EPG5: variants seen among roughly 807,000 people sequenced by gnomAD.
EPG5 encodes ectopic P-granules 5 autophagy tethering factor, also known as ectopic P granules protein 5 homolog.
A neutral mutation model predicts 302.7 loss-of-function variants in EPG5; 159 were observed. The ratio of observed to expected loss-of-function variants is 0.53; its 90% CI spans 0.46 to 0.60. EPG5 has a LOEUF of 0.60. Ranked by LOEUF, EPG5 falls within the 20% of genes least tolerant of loss-of-function variation. The pLI, the probability that EPG5 is intolerant of heterozygous loss-of-function variation, is 0.00. For synonymous variants in EPG5, 1,158 were observed against 1,136.8 expected, an observed-to-expected ratio of 1.02 and a Z score of -0.37; for missense variants, 2,896 against 3,092.4, an observed-to-expected ratio of 0.94 and a Z score of 1.51.
intron 33 of EPG5, among the ~76,000 whole-genome samples, chr18:45,878,692 A>C (rs1288392980): frequency 6.6e-6 from 1 of 152,236 alleles, no homozygotes; most frequent in Admixed American, 6.5e-5. Flanking sequence ...ACACTTTTAA[A>C]AAAGATAAAT....
intron 43 of EPG5, among the ~76,000 whole-genome samples, chr18:45,854,894 C>T (rs886975467): frequency 6.6e-6 from 1 of 152,114 alleles, no homozygotes; most frequent in Non-Finnish European, 1.5e-5. Context: ...TATAGCATTG[C>T]TATGAGGATT....
intron 33 of EPG5, 28 bp downstream of exon 33, chr18:45,878,985 G>A: frequency 6.3e-7 from 1 of 1,588,688 alleles, no homozygotes; most frequent in Non-Finnish European, 8.6e-7. Flanking sequence ...CAAACACCTA[G>A]CTCCACATCG....
chr18:45,889,175 A>C (rs938162198), intron 28 of EPG5, among the ~76,000 whole-genome samples: 5 of 152,174 alleles, frequency 3.3e-5, no homozygotes, highest in Admixed American at 1.3e-4. Context: ...TGGAATGTGG[A>C]GTCAGTCACC....
At chr18:45,819,470 A>C in the EPG5 span, among the ~76,000 whole-genome samples, 114,462 of 152,056 alleles carry the variant, frequency 0.75, 44,203 homozygotes, top group East Asian at 0.92. Context: ...TCAAGGCCAG[A>C]AAGGAAACAC....
intron 24 of EPG5, among the ~76,000 whole-genome samples, chr18:45,904,526 G>A (rs1301485525): frequency 6.6e-6 from 1 of 152,084 alleles, no homozygotes; most frequent in Non-Finnish European, 1.5e-5. Context: ...AAATACAGGG[G>A]ACAGAAAAAC....
intron 1 of EPG5, among the ~76,000 whole-genome samples, chr18:45,966,111 G>T (rs368015912): frequency 6.6e-6 from 1 of 151,628 alleles, no homozygotes; most frequent in Non-Finnish European, 1.5e-5. Context: ...GGTGGCTCAC[G>T]CCTGTAATCT....
chr18:45,912,369 G>A lies in EPG5; in HGVS notation c.3904C>T (p.Pro1302Ser). The change falls in exon 22 of 44, where the codon CCT becomes TCT. Residue 1302 changes from proline (P) to serine (S), a missense_variant. Pro to Ser is a moderately conservative substitution (Grantham distance 74, BLOSUM62 -1). This residue lies in a region of EPG5 where 790 missense variants were observed against 798.0 expected (regional missense o/e 0.99). Coordinates refer to ENST00000282041, the MANE Select transcript of EPG5 (RefSeq NM_020964.3). ...AGTGGCAGGAGGGGGTGATCAGAAG[G>A]TGTGACCAGAGCCTGGTGGGCCCAG... ...YRWAHQALVT[P>S]SDHPLLPLIW... The A allele has an allele frequency of 1.2e-6, 2 of 1,611,746 alleles. No individual in the cohort carries two copies. Among genetic ancestry groups the A allele is most frequent in the African/African-American group, 1.3e-5 (1 of 74,856 alleles).
At chr18:45,922,203 G>A in intron 16 of EPG5, 138 bp downstream of exon 16, 19 of 1,070,196 alleles carry the variant, frequency 1.8e-5, no homozygotes, top group Non-Finnish European at 2.4e-5. Flanking sequence ...TTGATAAGCT[G>A]TTAATCAAGG....
Position 45,925,766 on chromosome 18 carries a change from T to C in EPG5, c.2690A>G (p.Glu897Gly), listed in dbSNP as rs2145782456. Residue 897 changes from glutamate to glycine, a missense_variant, in exon 14 of 44, where the codon GAA becomes GGA. Around this residue, in one of 5 missense-constraint regions of EPG5, gnomAD observed 1,390 missense variants for 1,430.0 expected, o/e 0.97. Transcript: ENST00000282041. ...TTTAGCAAATCCCCAATTCAGTCCT[T>C]CAAGAATAACACAGGCCAGTTTATT... ...VKNKLACVIL[E>G]GLNWGFAKQA... The C allele has an allele frequency of 6.4e-7, 1 of 1,559,964 alleles. No individual in the cohort carries two copies. Among genetic ancestry groups the C allele is most frequent in the South Asian group, 1.2e-5 (1 of 81,200 alleles).
the EPG5 span, among the ~76,000 whole-genome samples, chr18:45,805,062 G>A: frequency 6.6e-6 from 1 of 152,128 alleles, no homozygotes; most frequent in African/African-American, 2.4e-5. Flanking sequence ...TCTTAGAGCG[G>A]ACATTGGGTA....
At chr18:45,884,511 C>A in intron 30 of EPG5, 106 bp downstream of exon 30, 2 of 1,030,082 alleles carry the variant, frequency 1.9e-6, no homozygotes, top group Non-Finnish European at 2.8e-6. Context: ...TCAGCCTCTG[C>A]TGTACCTGGA....
chr18:45,914,384 G>T (rs766711791), intron 20 of EPG5, among the ~76,000 whole-genome samples: 1 of 152,196 alleles, frequency 6.6e-6, no homozygotes, highest in Non-Finnish European at 1.5e-5. Flanking sequence ...ATCCATGAGA[G>T]GTGGGAAGAA....
At chr18:45,860,916 C>CA (rs143288176) in intron 39 of EPG5, among the ~76,000 whole-genome samples, 4 of 151,080 alleles carry the variant, frequency 2.6e-5, no homozygotes, top group African/African-American at 7.3e-5. Flanking sequence ...GGTAATTTTT[C>CA]AAAAAAAATT....
At chr18:45,842,160 C>T in the EPG5 span, 2 of 1,614,168 alleles carry the variant, frequency 1.2e-6, no homozygotes, top group Non-Finnish European at 1.7e-6. Context: ...ACCCCCGGAG[C>T]CCACCAGCCA....
At chr18:45,936,600 C>T (rs903613882) in intron 10 of EPG5, among the ~76,000 whole-genome samples, 3 of 151,448 alleles carry the variant, frequency 2.0e-5, no homozygotes, top group Admixed American at 6.6e-5. Flanking sequence ...CGGTGGTGTG[C>T]GCCTATAGTC....
intron 16 of EPG5, among the ~76,000 whole-genome samples, chr18:45,921,654 G>C (rs572333858): frequency 6.6e-6 from 1 of 152,252 alleles, no homozygotes; most frequent in Admixed American, 6.5e-5. Flanking sequence ...TCATATCAGA[G>C]AGGCATCTGA....
the EPG5 span, among the ~76,000 whole-genome samples, chr18:45,803,447 T>G: frequency 3.9e-5 from 6 of 151,950 alleles, no homozygotes; most frequent in Non-Finnish European, 8.8e-5. Flanking sequence ...TAGTAGGAGG[T>G]TATTCTCCTG....
At chr18:45,917,263 C>T (rs2050053099) in intron 17 of EPG5, among the ~76,000 whole-genome samples, 2 of 152,152 alleles carry the variant, frequency 1.3e-5, no homozygotes, top group Admixed American at 6.5e-5. Flanking sequence ...TGTTCTCTTC[C>T]CACCTTCCTA....
At chr18:45,827,804 T>A in the EPG5 span, among the ~76,000 whole-genome samples, 3 of 152,260 alleles carry the variant, frequency 2.0e-5, no homozygotes, top group South Asian at 6.2e-4. Context: ...GGTGATTTCT[T>A]TTTTTCTCTC....
Sources: allele counts gnomAD v4.1 joint callset (sites outside exome capture counted in the v4.1 genomes callset), GRCh38; gene constraint gnomAD v4.1.1; regional missense constraint gnomAD v4.1.1; transcripts MANE v1.5; gene names NCBI Gene and HGNC (gene_info 2026-07-23, HGNC 2026-07-21).